SEMA3C: variants seen among roughly 807,000 people sequenced by gnomAD.
SEMA3C encodes semaphorin 3C.
SEMA3C carries 47 observed loss-of-function variants against 89.4 expected under a neutral mutation model. The ratio of observed to expected loss-of-function variants is 0.53; its 90% CI spans 0.42 to 0.67. SEMA3C has a LOEUF of 0.67. SEMA3C is among the 30% of genes least tolerant of loss of function. The pLI is 0.00. For missense variants in SEMA3C, 839 were observed against 929.1 expected, an observed-to-expected ratio of 0.90 and a Z score of 1.26; for synonymous variants, 310 against 320.2, an observed-to-expected ratio of 0.97 and a Z score of 0.34.
chr7:80,838,517 G>GT, intron 2 of SEMA3C, among the ~76,000 whole-genome samples: 1 of 152,204 alleles, frequency 6.6e-6, no homozygotes, highest in Non-Finnish European at 1.5e-5. Context: ...ATACAACTGT[G>GT]TATTTTCTAG....
intron 7 of SEMA3C, among the ~76,000 whole-genome samples, chr7:80,805,338 TAAAC>T (rs1789312586): frequency 6.6e-6 from 1 of 152,116 alleles, no homozygotes; most frequent in African/African-American, 2.4e-5. Context: ...ATGTTACAAT[TAAAC>T]AACTGGAGAA....
chr7:80,834,964 C>T (rs1269197973), intron 2 of SEMA3C, among the ~76,000 whole-genome samples: 1 of 151,578 alleles, frequency 6.6e-6, no homozygotes, highest in Admixed American at 6.6e-5. Flanking sequence ...CTGAATATTT[C>T]TCATCAGTGG....
intron 6 of SEMA3C, among the ~76,000 whole-genome samples, chr7:80,807,806 T>A (rs1789377428): frequency 6.6e-6 from 1 of 152,202 alleles, no homozygotes; most frequent in African/African-American, 2.4e-5. Flanking sequence ...GTGCTTTTAT[T>A]AGCACACTGC....
In SEMA3C at chr7:80,788,266, C is replaced by A. The variant is rs551497539; in HGVS notation, c.1354+1040G>T. Among the ~76,000 whole-genome samples, 9 of 152,236 alleles carry A rather than the reference C, an allele frequency of 5.9e-5. No individual in the cohort carries two copies. The East Asian group carries it at 1.7e-3, about 29-fold the overall frequency. Reference sequence around the variant, plus strand: ...ATTTCATAAAGTATTTCTAAGATTACAACAAGACGTTATTGTAAAGAGTGT... The same window carrying A: ...ATTTCATAAAGTATTTCTAAGATTAAAACAAGACGTTATTGTAAAGAGTGT... On this transcript the variant is annotated intron_variant, in intron 12 of 17. Transcript: ENST00000265361.
intron 12 of SEMA3C, among the ~76,000 whole-genome samples, chr7:80,765,449 A>T (rs1344047337): frequency 6.6e-6 from 1 of 152,220 alleles, no homozygotes; most frequent in Non-Finnish European, 1.5e-5. Context: ...ACTAATATGA[A>T]TATCTTATAT....
At chr7:80,905,953 TTG>T in intron 2 of SEMA3C, 1 of 1,229,126 alleles carries the variant, frequency 8.1e-7, no homozygotes, top group Non-Finnish European at 1.1e-6. Context: ...TAATTTTGTT[TTG>T]TTTTTTTTTT....
chr7:80,753,193 G>C (rs1787977627), intron 15 of SEMA3C, among the ~76,000 whole-genome samples: 1 of 152,162 alleles, frequency 6.6e-6, no homozygotes, highest in Non-Finnish European at 1.5e-5. Flanking sequence ...CACGAAAACA[G>C]TGAAAGTGTT....
intron 12 of SEMA3C, among the ~76,000 whole-genome samples, chr7:80,770,638 G>A (rs1788407954): frequency 6.6e-6 from 1 of 152,142 alleles, no homozygotes; most frequent in African/African-American, 2.4e-5. Flanking sequence ...ACATCTTTCG[G>A]AAACACCACC....
rs1302105946 is a variant in SEMA3C at position 80,744,189 on chromosome 7, A to G, written c.*705T>C. ...TTGTTTGGAAGGTGATAACATAAGAATATAAACCAAACTGCTTCACTGATA... is the reference window on the plus strand; with the variant it reads ...TTGTTTGGAAGGTGATAACATAAGAGTATAAACCAAACTGCTTCACTGATA... On this transcript the variant is annotated 3_prime_UTR_variant, in exon 18 of 18. Transcript: ENST00000265361. 1 of 152,174 alleles carries G rather than the reference A, an allele frequency of 6.6e-6. No homozygotes were observed. The highest frequency in any genetic ancestry group is 1.5e-5 in the Non-Finnish European group (1 of 68,048). The allele number at this position is 152,174 out of a possible 1,614,324, so 9.4% of individuals were successfully genotyped here.
At chr7:80,883,497 G>C (rs1791400294) in intron 2 of SEMA3C, among the ~76,000 whole-genome samples, 1 of 152,192 alleles carries the variant, frequency 6.6e-6, no homozygotes, top group South Asian at 2.1e-4. Flanking sequence ...AATCTCCTAA[G>C]ATAAAAGTAT....
At chr7:80,852,728 G>A (rs1447836031) in intron 2 of SEMA3C, among the ~76,000 whole-genome samples, 1 of 146,762 alleles carries the variant, frequency 6.8e-6, no homozygotes, top group African/African-American at 2.6e-5. Flanking sequence ...GCCCAGGCTA[G>A]AGTGCAGTGG....
chr7:80,834,122 A>G (rs1790072640), intron 2 of SEMA3C, among the ~76,000 whole-genome samples: 1 of 152,122 alleles, frequency 6.6e-6, no homozygotes, highest in African/African-American at 2.4e-5. Flanking sequence ...GAGAGTATGT[A>G]GTATTAGAAA....
At chr7:80,787,286 G>A (rs1788825896) in intron 12 of SEMA3C, among the ~76,000 whole-genome samples, 1 of 151,812 alleles carries the variant, frequency 6.6e-6, no homozygotes, top group Non-Finnish European at 1.5e-5. Context: ...CAGCAACTTG[G>A]GAGGCTGAAG....
At chr7:80,768,620 G>A (rs1391874702) in intron 12 of SEMA3C, among the ~76,000 whole-genome samples, 5 of 152,200 alleles carry the variant, frequency 3.3e-5, no homozygotes, top group African/African-American at 7.2e-5. Context: ...GGATGGGGAT[G>A]CTGTGCAGAG....
chr7:80,792,585 G>C (rs1205241457), intron 11 of SEMA3C, among the ~76,000 whole-genome samples: 1 of 152,084 alleles, frequency 6.6e-6, no homozygotes, highest in African/African-American at 2.4e-5. Flanking sequence ...ATGAAATCCA[G>C]GTTAACAATT....
chr7:80,853,925 CCTG>C (rs916327744), intron 2 of SEMA3C, among the ~76,000 whole-genome samples: 1 of 150,984 alleles, frequency 6.6e-6, no homozygotes, highest in Non-Finnish European at 1.5e-5. Flanking sequence ...TGTATACACA[CCTG>C]CTATGTACCC....
At chr7:80,921,409 G>T (rs1792406618), upstream of SEMA3C, among the ~76,000 whole-genome samples, 1 of 152,160 alleles carries the variant, frequency 6.6e-6, no homozygotes, top group South Asian at 2.1e-4. Context: ...TTAGGCCACA[G>T]AGTGGAATTT....
chr7:80,790,838 T>C (rs1367350653), intron 11 of SEMA3C, among the ~76,000 whole-genome samples: 1 of 152,194 alleles, frequency 6.6e-6, no homozygotes, highest in Non-Finnish European at 1.5e-5. Flanking sequence ...TGTTTCTCCC[T>C]ATAGAATGTA....
At chr7:80,750,685 T>C (rs769843210) in intron 16 of SEMA3C, among the ~76,000 whole-genome samples, 2 of 151,808 alleles carry the variant, frequency 1.3e-5, no homozygotes. Context: ...TCTAGAGAAG[T>C]TGAATTCATA....
Sources: gnomAD v4.1 joint callset for allele counts (sites outside exome capture counted in the v4.1 genomes callset) on GRCh38, gnomAD v4.1.1 for gene constraint, MANE v1.5 for transcripts, NCBI Gene and HGNC (gene_info 2026-07-23, HGNC 2026-07-21) for gene names.